DOCK1: variants seen among roughly 807,000 people sequenced by gnomAD.
DOCK1 encodes dedicator of cytokinesis protein 1.
Under a neutral mutation model 262.7 loss-of-function variants are expected in DOCK1, and 138 were observed. The observed-to-expected ratio is 0.53, with a 90% confidence interval of 0.46 to 0.61. The LOEUF (loss-of-function observed/expected upper bound fraction) is 0.61, where lower values mean the gene tolerates loss of function less well. Among genes scored for constraint, DOCK1 ranks in the 20% least tolerant of loss-of-function variants. The probability of loss-of-function intolerance (pLI) is 0.00; values close to 1 mark genes in which losing one functional copy is unlikely to be tolerated. For missense variants in DOCK1, 1,908 were observed against 2,370.7 expected, an observed-to-expected ratio of 0.80 and a Z score of 4.05; for synonymous variants, 866 against 867.4, an observed-to-expected ratio of 1.00 and a Z score of 0.03.
intron 27 of DOCK1, among the ~76,000 whole-genome samples, chr10:127,135,247 C>T (rs1301028937): frequency 6.6e-6 from 1 of 152,230 alleles, no homozygotes; most frequent in African/African-American, 2.4e-5. Context: ...AGTCCCTTCC[C>T]TCCCCAAGCC....
intron 27 of DOCK1, among the ~76,000 whole-genome samples, chr10:127,186,835 C>T (rs541657775): frequency 3.9e-4 from 59 of 151,882 alleles, no homozygotes; most frequent in African/African-American, 1.3e-3. Context: ...AACGGTGAGT[C>T]GAGAGAAATG....
At chr10:126,926,036 G>A (rs2033689554) in intron 1 of DOCK1, among the ~76,000 whole-genome samples, 1 of 152,058 alleles carries the variant, frequency 6.6e-6, no homozygotes, top group East Asian at 1.9e-4. Context: ...ACCGCTCTGA[G>A]CCTCAGTTTG....
intron 29 of DOCK1, among the ~76,000 whole-genome samples, chr10:127,331,499 C>T (rs2766062): frequency 1.4e-3 from 214 of 152,206 alleles, no homozygotes; most frequent in African/African-American, 4.8e-3. Context: ...CCAGATTGGT[C>T]TTGAACTCCT....
chr10:127,288,773 TCACACACACACA>T (rs3221847), intron 29 of DOCK1, among the ~76,000 whole-genome samples: 5 of 143,506 alleles, frequency 3.5e-5, no homozygotes, highest in South Asian at 4.4e-4. Flanking sequence ...TGTATATATT[TCACACACACACA>T]CACACACACA....
At chr10:126,991,320 C>T (rs1259576066) in intron 6 of DOCK1, among the ~76,000 whole-genome samples, 3 of 152,098 alleles carry the variant, frequency 2.0e-5, no homozygotes, top group Non-Finnish European at 4.4e-5. Flanking sequence ...TGAGGCCATG[C>T]CCTTTTCCAC....
In DOCK1 at chr10:127,090,642, G is replaced by A. The variant is rs183291736; in HGVS notation, c.2446-15589G>A. Among the ~76,000 whole-genome samples the A allele has an allele frequency of 4.9e-3, 745 of 152,192 alleles. 7 individuals are homozygous for A. Among genetic ancestry groups the A allele is most frequent in the South Asian group, 0.02 (98 of 4,818 alleles). ...CACCCCAGAAGGAAACCCCACAGCC[G>A]TTACAGTCACTCTGTTTCCCCCTTC... On this transcript the variant is annotated intron_variant, in intron 23 of 51. Coordinates refer to ENST00000623213, the MANE Select transcript of DOCK1 (RefSeq NM_001290223.2).
intron 29 of DOCK1, among the ~76,000 whole-genome samples, chr10:127,285,864 A>C (rs1347118737): frequency 2.0e-5 from 3 of 152,174 alleles, no homozygotes; most frequent in Non-Finnish European, 2.9e-5. Flanking sequence ...AAAGACCTCT[A>C]TCTGGGCTCC....
chr10:127,224,574 A>C (rs2134473179), intron 27 of DOCK1, among the ~76,000 whole-genome samples: 1 of 151,292 alleles, frequency 6.6e-6, no homozygotes, highest in South Asian at 2.1e-4. Flanking sequence ...AAAAAAAAAA[A>C]ATTGGTGTGG....
At chr10:127,189,347 G>T (rs1325713507) in intron 27 of DOCK1, among the ~76,000 whole-genome samples, 1 of 152,170 alleles carries the variant, frequency 6.6e-6, no homozygotes, top group Admixed American at 6.5e-5. Context: ...CTCAGTAGTT[G>T]ACCTGCCCAG....
At chr10:126,933,001 AG>A (rs1269963346) in intron 1 of DOCK1, among the ~76,000 whole-genome samples, 3 of 151,692 alleles carry the variant, frequency 2.0e-5, no homozygotes, top group African/African-American at 2.4e-5. Context: ...GAGGAGTCTG[AG>A]GCATTTTTGA....
At chr10:127,392,921 G>T (rs140748741) in intron 38 of DOCK1, among the ~76,000 whole-genome samples, 1 of 152,294 alleles carries the variant, frequency 6.6e-6, no homozygotes, top group East Asian at 1.9e-4. Context: ...AGCAGGGCTG[G>T]ATTTTCCTGT....
rs769661665 is a variant in DOCK1, at chr10:127,175,685, G to A, written c.2847+47921G>A. On this transcript the variant is annotated intron_variant, in intron 27 of 51. Transcript: ENST00000623213. This position sits in a 1 kb window ranked among gnomAD's most constrained non-coding sequence, Gnocchi z 6.3. ...TGAGGGCAGGTGGAGCGGGCTCCTC[G>A]GAGTTTGGCCTCCCCCGGTCCTGCT... is the stretch of plus-strand genomic sequence containing the variant. 12 of 1,613,662 alleles carry A rather than the reference G, an allele frequency of 7.4e-6. No homozygotes were observed. The highest frequency in any genetic ancestry group is 4.5e-5 in the East Asian group (2 of 44,870).
chr10:127,069,617 GA>G (rs1455811195), intron 23 of DOCK1, among the ~76,000 whole-genome samples: 1 of 152,150 alleles, frequency 6.6e-6, no homozygotes, highest in Non-Finnish European at 1.5e-5. Context: ...CATTCGTGGG[GA>G]CACAGATGCG....
intron 27 of DOCK1, among the ~76,000 whole-genome samples, chr10:127,159,526 C>A (rs1198866291): frequency 6.6e-6 from 1 of 152,024 alleles, no homozygotes; most frequent in African/African-American, 2.4e-5. Context: ...CACATACATA[C>A]CTTTGTAAAT....
intron 1 of DOCK1, among the ~76,000 whole-genome samples, chr10:126,957,063 C>T (rs1230471968): frequency 6.6e-6 from 1 of 152,212 alleles, no homozygotes; most frequent in Admixed American, 6.5e-5. Flanking sequence ...GAAGGGGTCT[C>T]TGCAAGGGGG....
At chr10:127,402,454 G>C (rs1437531231) in intron 38 of DOCK1, among the ~76,000 whole-genome samples, 4 of 152,104 alleles carry the variant, frequency 2.6e-5, no homozygotes, top group Non-Finnish European at 4.4e-5. Context: ...CACTTATTTG[G>C]AAAGTTACTT....
At chr10:126,918,786 A>T (rs150279659) in intron 1 of DOCK1, among the ~76,000 whole-genome samples, 9 of 152,298 alleles carry the variant, frequency 5.9e-5, no homozygotes, top group African/African-American at 1.2e-4. Context: ...GTTACTAATG[A>T]TACTGTGTTA....
At chr10:127,380,188 A>G (rs527737144) in intron 36 of DOCK1, 66 bp downstream of exon 36, 3 of 1,222,700 alleles carry the variant, frequency 2.5e-6, no homozygotes, top group Admixed American at 5.8e-5. Context: ...ATGTTTACGT[A>G]TGCTAAGAAA....
chr10:127,108,428 A>T (rs993071697), intron 24 of DOCK1, among the ~76,000 whole-genome samples: 1 of 152,106 alleles, frequency 6.6e-6, no homozygotes, highest in Non-Finnish European at 1.5e-5. Flanking sequence ...TCCACTAAAG[A>T]TACAAAAAAT....
Sources: gnomAD v4.1 joint callset for allele counts (sites outside exome capture counted in the v4.1 genomes callset) on GRCh38, gnomAD v4.1.1 for gene constraint, Gnocchi (gnomAD v3.1) non-coding constraint, MANE v1.5 for transcripts, NCBI Gene and HGNC (gene_info 2026-07-23, HGNC 2026-07-21) for gene names.